UTRN: variants seen among roughly 807,000 people sequenced by gnomAD.
The protein encoded by UTRN is dystrophin-related protein 1.
In UTRN, 283 loss-of-function variants were observed where a neutral mutation model predicts 463.9. The ratio of observed to expected loss-of-function variants is 0.61; its 90% CI spans 0.55 to 0.67. UTRN has a LOEUF of 0.67. Ranked by LOEUF, UTRN falls within the 30% of genes least tolerant of loss-of-function variation. The probability of loss-of-function intolerance (pLI) is 0.00; values close to 1 mark genes in which losing one functional copy is unlikely to be tolerated. For synonymous variants in UTRN, 1,442 were observed against 1,431.5 expected (o/e 1.01, Z -0.17); for missense variants, 3,922 against 4,084.3 (o/e 0.96, Z 1.08).
chr6:144,645,847 A>T (rs1778236909), intron 51 of UTRN, among the ~76,000 whole-genome samples: 2 of 152,164 alleles, frequency 1.3e-5, no homozygotes, highest in Admixed American at 1.3e-4. Context: ...GCTGCTTGTA[A>T]TGGGAGTGGG....
At chr6:144,406,647 G>A (rs544898348) in intron 3 of UTRN, among the ~76,000 whole-genome samples, 2 of 152,278 alleles carry the variant, frequency 1.3e-5, no homozygotes, top group Admixed American at 6.5e-5. Flanking sequence ...GATTACAGGC[G>A]TGAGCCACCA....
At chr6:144,693,412 C>T (rs1003010836) in intron 52 of UTRN, among the ~76,000 whole-genome samples, 2 of 152,024 alleles carry the variant, frequency 1.3e-5, no homozygotes, top group African/African-American at 4.8e-5. Flanking sequence ...AAATAGTTTT[C>T]TCTAGTTCTG....
intron 2 of UTRN, among the ~76,000 whole-genome samples, chr6:144,292,801 C>A (rs1804364785): frequency 6.6e-6 from 1 of 152,116 alleles, no homozygotes; most frequent in Admixed American, 6.5e-5. Flanking sequence ...AAAAAAGGAA[C>A]CCAAAGCCTG....
chr6:144,850,581 T>G (rs1782407276), intron 74 of UTRN, among the ~76,000 whole-genome samples: 1 of 152,146 alleles, frequency 6.6e-6, no homozygotes, highest in African/African-American at 2.4e-5. Flanking sequence ...TGCCTTCCTC[T>G]TCTCTGGACT....
intron 39 of UTRN, among the ~76,000 whole-genome samples, chr6:144,520,534 G>A (rs1795996528): frequency 6.6e-6 from 1 of 152,190 alleles, no homozygotes. Context: ...AATTAGTTCT[G>A]TTGTTAAAGT....
chr6:144,802,530 C>T (rs1358916953), intron 64 of UTRN, among the ~76,000 whole-genome samples: 1 of 152,192 alleles, frequency 6.6e-6, no homozygotes, highest in Non-Finnish European at 1.5e-5. Context: ...AAATAAGATT[C>T]TGCAAGTACA....
At chr6:144,509,190 A>G (rs1295150577) in intron 34 of UTRN, among the ~76,000 whole-genome samples, 1 of 152,082 alleles carries the variant, frequency 6.6e-6, no homozygotes, top group African/African-American at 2.4e-5. Flanking sequence ...TTTGTCCTAA[A>G]TTCTTTCACA....
chr6:144,849,331 C>T (rs1476963737), intron 74 of UTRN, among the ~76,000 whole-genome samples: 1 of 151,922 alleles, frequency 6.6e-6, no homozygotes, highest in African/African-American at 2.4e-5. Flanking sequence ...CCTGATGGTC[C>T]CCAGGTGGAA....
chr6:144,756,174 A>T (rs1791967462), intron 57 of UTRN, among the ~76,000 whole-genome samples: 1 of 152,174 alleles, frequency 6.6e-6, no homozygotes, highest in Non-Finnish European at 1.5e-5. Context: ...TAAGTATTCC[A>T]GATTTCTAAA....
At chr6:144,388,744 C>T (rs530550436) in intron 2 of UTRN, among the ~76,000 whole-genome samples, 8 of 152,206 alleles carry the variant, frequency 5.3e-5, no homozygotes, top group African/African-American at 1.7e-4. Flanking sequence ...TCAAGCAGTC[C>T]ACCCACTTGG....
chr6:144,838,970 G>A (rs1298091750), intron 71 of UTRN: 2 of 485,032 alleles, frequency 4.1e-6, no homozygotes, highest in Non-Finnish European at 7.3e-6. Context: ...ATAACCAAGT[G>A]GATTCTTCAA....
chr6:144,610,014 C>G (rs1256260919), intron 51 of UTRN, among the ~76,000 whole-genome samples: 1 of 151,458 alleles, frequency 6.6e-6, no homozygotes, highest in Non-Finnish European at 1.5e-5. Context: ...TGTTACACCT[C>G]AAGGAACAAT....
At chr6:144,834,509 A>C (rs1780940802) in intron 69 of UTRN, among the ~76,000 whole-genome samples, 1 of 152,298 alleles carries the variant, frequency 6.6e-6, no homozygotes, top group Non-Finnish European at 1.5e-5. Context: ...CTAGGAATTC[A>C]CCAACTGTCT....
intron 51 of UTRN, among the ~76,000 whole-genome samples, chr6:144,661,686 G>C (rs1210562246): frequency 1.3e-5 from 2 of 152,164 alleles, no homozygotes; most frequent in African/African-American, 4.8e-5. Context: ...AAGGTATAGA[G>C]CATATGTTAC....
rs770771727 is a variant in UTRN, at chr6:144,751,941, A to G, written c.8344A>G (p.Lys2782Glu). Residue 2782 changes from lysine (K) to glutamate (E), a missense_variant, in exon 56 of 75, where the codon AAA becomes GAA. Physicochemically the swap from Lys to Glu is moderately conservative, Grantham distance 56. Coordinates refer to ENST00000367545, the MANE Select transcript of UTRN (RefSeq NM_007124.3). ...RQLDDLNMRW[K>E]LLQVSVDDRL... ...GCTAGATGACCTTAATATGCGATGG[A>G]AACTTTTACAGGTATCAGCTTATTC... 20 of 1,608,344 alleles carry G rather than the reference A, an allele frequency of 1.2e-5. No individual in the cohort carries two copies. In the East Asian group the frequency reaches 3.8e-4, roughly 31 times the overall value.
intron 2 of UTRN, among the ~76,000 whole-genome samples, chr6:144,327,479 C>A (rs1246787360): frequency 6.6e-6 from 1 of 152,196 alleles, no homozygotes; most frequent in Non-Finnish European, 1.5e-5. Flanking sequence ...GAGGCAGCCC[C>A]TGGGTGTTGC....
chr6:144,514,129 C>T, intron 36 of UTRN, 92 bp downstream of exon 36: 8 of 1,504,590 alleles, frequency 5.3e-6, no homozygotes, highest in Non-Finnish European at 7.2e-6. Context: ...ACTTAGCTCT[C>T]ATTCCTCCCA....
At chr6:144,468,884 T>C (rs1303689465) in intron 23 of UTRN, among the ~76,000 whole-genome samples, 1 of 152,100 alleles carries the variant, frequency 6.6e-6, no homozygotes, top group Non-Finnish European at 1.5e-5. Context: ...AAAGGGGAGA[T>C]AAGATAGGGA....
In UTRN at chr6:144,347,359, C is replaced by A. The variant is rs535836844; in HGVS notation, c.79+55452C>A. On this transcript the variant is annotated intron_variant, in intron 2 of 74. Transcript: ENST00000367545. ...TGTGGAGGGTACAGGGGAATGTATT[C>A]GTCCCCCACTAGACTGAAAGCTCCA... 2.7e-3 allele frequency among the ~76,000 whole-genome samples: 410 copies of A among 152,340 alleles called. 2 individuals are homozygous for A. Among genetic ancestry groups the A allele is most frequent in the African/African-American group, 8.9e-3 (371 of 41,568 alleles).
Sources: gnomAD v4.1 joint callset for allele counts (sites outside exome capture counted in the v4.1 genomes callset) on GRCh38, gnomAD v4.1.1 for gene constraint, MANE v1.5 for transcripts, NCBI Gene and HGNC (gene_info 2026-07-23, HGNC 2026-07-21) for gene names.